Variants in MACO1 observed in about 807,000 individuals in gnomAD.
MACO1 encodes macoilin.
A neutral mutation model predicts 78.7 loss-of-function variants in MACO1; 14 were observed. The ratio of observed to expected loss-of-function variants is 0.18; its 90% CI spans 0.12 to 0.28. The LOEUF (loss-of-function observed/expected upper bound fraction) is 0.28. MACO1 is among the 10% of genes least tolerant of loss of function. The probability of loss-of-function intolerance (pLI) is 1.00; values close to 1 mark genes in which losing one functional copy is unlikely to be tolerated. For synonymous variants in MACO1, 288 were observed against 291.6 expected (o/e 0.99, Z 0.12); for missense variants, 501 against 799.0 (o/e 0.63, Z 4.50).
rs539494153 is a variant in MACO1 at position 25,454,228 on chromosome 1, T to G, written c.350-31T>G. On this transcript the variant is annotated intron_variant, in intron 3 of 10. Coordinates refer to ENST00000374343, the MANE Select transcript of MACO1 (RefSeq NM_018202.6). ...ATCTGTTAGTTACTATATCGTTTAT[T>G]AATGCTTGCCTCTCTGCTGCTTTCT... 5.2e-6 allele frequency: 8 copies of G among 1,546,920 alleles called. No homozygotes were observed. In the East Asian group the frequency reaches 1.7e-4, roughly 33 times the overall value.
chr1:25,454,680 TCA>T (rs2124583219), intron 4 of MACO1, among the ~76,000 whole-genome samples: 1 of 151,242 alleles, frequency 6.6e-6, no homozygotes, highest in East Asian at 1.9e-4. Context: ...CAGGGTTTCA[TCA>T]TATTGGCCAG....
At chr1:25,468,474 G>A (rs924794254) in intron 6 of MACO1, among the ~76,000 whole-genome samples, 8 of 152,172 alleles carry the variant, frequency 5.3e-5, no homozygotes, top group Non-Finnish European at 8.8e-5. Context: ...GAGTCCTGGG[G>A]TGTGCACATT....
chr1:25,448,500 C>T (rs555428547), intron 2 of MACO1, among the ~76,000 whole-genome samples: 1 of 152,288 alleles, frequency 6.6e-6, no homozygotes, highest in South Asian at 2.1e-4. Context: ...CTAGTTCTTT[C>T]AGGTAACCCA....
intron 6 of MACO1, among the ~76,000 whole-genome samples, chr1:25,479,147 G>T (rs2043348352): frequency 6.6e-6 from 1 of 152,070 alleles, no homozygotes; most frequent in South Asian, 2.1e-4. Flanking sequence ...TTTTCTTCCT[G>T]ATCATTGCTT....
intron 3 of MACO1, among the ~76,000 whole-genome samples, chr1:25,449,473 T>C (rs1571957166): frequency 1.3e-5 from 2 of 152,210 alleles, no homozygotes. Flanking sequence ...GCCAGAATTT[T>C]CTTCCTTAAA....
At position 25,491,578 on chromosome 1, in the gene MACO1, G is replaced by A; in HGVS notation, c.1786G>A (p.Ala596Thr). 1.2e-6 allele frequency: 2 copies of A among 1,614,074 alleles called. No individual in the cohort carries two copies. Among genetic ancestry groups the A allele is most frequent in the South Asian group, 1.1e-5 (1 of 91,082 alleles). The change falls in exon 10 of 11, where the codon GCC (alanine) becomes ACC (threonine). Residue 596 changes from alanine to threonine, a missense_variant. Coordinates refer to ENST00000374343, the MANE Select transcript of MACO1 (RefSeq NM_018202.6). ...CGATGCAAAGCGGCAGCTCGAGATT[G>A]CCCAAGGTAGGAGAACGTGGGCCCC... Reference protein sequence around the residue: ...LGDAKRQLEIAQGQILQKDQE... With the variant: ...LGDAKRQLEITQGQILQKDQE...
intron 3 of MACO1, among the ~76,000 whole-genome samples, chr1:25,451,689 T>A (rs532412057): frequency 6.6e-6 from 1 of 152,178 alleles, no homozygotes; most frequent in South Asian, 2.1e-4. Context: ...GGTGGATCAT[T>A]TGAATTCAGG....
At position 25,448,687 on chromosome 1, in the gene MACO1, C is replaced by G. The variant is rs1015796332; in HGVS notation, c.223-121C>G. 7.7e-6 allele frequency: 7 copies of G among 911,990 alleles called. No homozygotes were observed. In the Admixed American group the frequency reaches 1.0e-4, roughly 13 times the overall value. 56.5% of individuals were successfully genotyped at this position (911,990 alleles called of 1,614,324 possible). ...AATTTCCTTTTGTGAATTTGCTTTA[C>G]AGTTACCAAGTTATCTCTTAGCAGT... On this transcript the variant is annotated intron_variant, in intron 2 of 10. Coordinates refer to ENST00000374343, the MANE Select transcript of MACO1 (RefSeq NM_018202.6).
chr1:25,433,417 T>C (rs1317462469), intron 1 of MACO1, among the ~76,000 whole-genome samples: 1 of 152,354 alleles, frequency 6.6e-6, no homozygotes, highest in East Asian at 1.9e-4. Flanking sequence ...AATTTAAGTC[T>C]ATGCTAAGTT....
chr1:25,433,547 G>A (rs2124564983), intron 1 of MACO1, among the ~76,000 whole-genome samples: 1 of 152,200 alleles, frequency 6.6e-6, no homozygotes, highest in Admixed American at 6.5e-5. Flanking sequence ...GATAACCACT[G>A]TCTACTGTTT....
chr1:25,491,360 A>G (rs2043484208), intron 9 of MACO1, 50 bp from the exon 10 acceptor site: 2 of 1,606,850 alleles, frequency 1.2e-6, no homozygotes, highest in Non-Finnish European at 1.7e-6. Context: ...ATTTATAGAC[A>G]TCGATGCCAA....
chr1:25,464,338 CTTTTTTTTTTT>C (rs71014363), intron 6 of MACO1, among the ~76,000 whole-genome samples: 1 of 80,976 alleles, frequency 1.2e-5, no homozygotes, highest in Non-Finnish European at 2.2e-5. Flanking sequence ...TTTTTCTTCT[CTTTTTTTTTTT>C]TTTTTTTTTT....
chr1:25,482,426 T>C (rs773016839), intron 6 of MACO1, among the ~76,000 whole-genome samples: 49 of 152,202 alleles, frequency 3.2e-4, no homozygotes, highest in Non-Finnish European at 2.1e-4. Flanking sequence ...AGATCTGTTC[T>C]ATCCTTTCCT....
At chr1:25,442,937 A>G (rs977984222) in intron 1 of MACO1, among the ~76,000 whole-genome samples, 2 of 152,212 alleles carry the variant, frequency 1.3e-5, no homozygotes, top group African/African-American at 4.8e-5. Flanking sequence ...TAGCAAATTT[A>G]TTTGGATCAG....
chr1:25,461,364 T>TAATAA (rs569805082), intron 6 of MACO1, among the ~76,000 whole-genome samples: 11 of 152,136 alleles, frequency 7.2e-5, no homozygotes, highest in African/African-American at 2.6e-4. Context: ...AGTATAATAA[T>TAATAA]AATAAAATAA....
rs1414354396 is a variant in MACO1, at chr1:25,484,264, C to T, written c.1303C>T (p.Leu435=). Reference sequence around the variant, plus strand: ...CCAGCTTCGGCAGGAGAACGAGCTGCTGCAGAACAAGTACGTGCACCTTTC... The same window carrying T: ...CCAGCTTCGGCAGGAGAACGAGCTGTTGCAGAACAAGTACGTGCACCTTTC... ...MGQLRQENEL[L]QNKLHNAVQM... Residue 435 remains leucine (L), a synonymous_variant, in exon 7 of 11, where the codon CTG becomes TTG. Coordinates refer to ENST00000374343, the MANE Select transcript of MACO1 (RefSeq NM_018202.6). The T allele has an allele frequency of 6.2e-7, 1 of 1,610,150 alleles. No individual in the cohort carries two copies. The highest frequency in any genetic ancestry group is 8.5e-7 in the Non-Finnish European group (1 of 1,178,808).
Position 25,470,037 on chromosome 1 carries a change from C to T in MACO1, c.1154+11145C>T, listed in dbSNP as rs74918000. 5.3e-3 allele frequency among the ~76,000 whole-genome samples: 806 copies of T among 152,280 alleles called. 6 individuals are homozygous for T. Among genetic ancestry groups the T allele is most frequent in the African/African-American group, 0.018 (745 of 41,548 alleles). On this transcript the variant is annotated intron_variant, in intron 6 of 10. Transcript: ENST00000374343. ...TTTGTTTCTCCACATTATAAGATGT[C>T]TACACCCAATTTAAAATTACACATT...
chr1:25,451,195 CA>C (rs1470282939), intron 3 of MACO1, among the ~76,000 whole-genome samples: 1 of 152,118 alleles, frequency 6.6e-6, no homozygotes, highest in Non-Finnish European at 1.5e-5. Context: ...ATTGGGCTGA[CA>C]AATATGAGTG....
chr1:25,469,737 A>G (rs2043251042), intron 6 of MACO1, among the ~76,000 whole-genome samples: 1 of 151,106 alleles, frequency 6.6e-6, no homozygotes, highest in Admixed American at 6.6e-5. Flanking sequence ...TCTGGGTTCA[A>G]GTGATTCTCC....
Sources: allele counts gnomAD v4.1 joint callset (sites outside exome capture counted in the v4.1 genomes callset), GRCh38; gene constraint gnomAD v4.1.1; transcripts MANE v1.5; gene names NCBI Gene and HGNC (gene_info 2026-07-23, HGNC 2026-07-21).